Variants in SCAF8 observed in about 807,000 individuals in gnomAD.
SCAF8 encodes SR-related CTD associated factor 8.
SCAF8 carries 23 observed loss-of-function variants against 140.5 expected under a neutral mutation model. The ratio of observed to expected loss-of-function variants is 0.16; its 90% CI spans 0.12 to 0.23. The LOEUF (loss-of-function observed/expected upper bound fraction) is 0.23, where lower values mean the gene tolerates loss of function less well. SCAF8 is among the 10% of genes least tolerant of loss of function. The pLI is 1.00. For synonymous variants in SCAF8, 575 were observed against 528.9 expected (o/e 1.09, Z -1.20); for missense variants, 1,397 against 1,555.7 (o/e 0.90, Z 1.72).
chr6:154,822,445 T>C, intron 16 of SCAF8, 36 bp downstream of exon 16: 1 of 1,567,598 alleles, frequency 6.4e-7, no homozygotes, highest in Non-Finnish European at 8.6e-7. Context: ...TTTCTTGTGT[T>C]GTTTTACATT....
At chr6:154,767,887 A>G (rs1050804337) in intron 1 of SCAF8, among the ~76,000 whole-genome samples, 2 of 152,128 alleles carry the variant, frequency 1.3e-5, no homozygotes, top group Non-Finnish European at 2.9e-5. Flanking sequence ...TTCTAAAATG[A>G]TAAGTGATCC....
intron 3 of SCAF8, among the ~76,000 whole-genome samples, chr6:154,787,253 G>C (rs555901778): frequency 2.6e-5 from 4 of 152,388 alleles, no homozygotes; most frequent in Admixed American, 6.5e-5. Flanking sequence ...CAGCTATTTG[G>C]AAGGCTGAGA....
At chr6:154,827,279 A>G in intron 18 of SCAF8, 39 bp downstream of exon 18, 1 of 1,400,380 alleles carries the variant, frequency 7.1e-7, no homozygotes, top group Non-Finnish European at 9.9e-7. Flanking sequence ...TATTCATGGT[A>G]GTGTTAATTT....
intron 1 of SCAF8, among the ~76,000 whole-genome samples, chr6:154,743,434 TTC>T (rs1778622059): frequency 6.6e-6 from 1 of 152,224 alleles, no homozygotes; most frequent in Non-Finnish European, 1.5e-5. Flanking sequence ...AAAGCAACTA[TTC>T]TTAAGTGGAG....
At chr6:154,786,730 G>A (rs910889314) in intron 3 of SCAF8, among the ~76,000 whole-genome samples, 1 of 152,214 alleles carries the variant, frequency 6.6e-6, no homozygotes, top group African/African-American at 2.4e-5. Context: ...CAATTAGAGA[G>A]TCTTAGGAAT....
chr6:154,744,323 A>T (rs1778643877), intron 1 of SCAF8, among the ~76,000 whole-genome samples: 2 of 152,032 alleles, frequency 1.3e-5, no homozygotes, highest in African/African-American at 4.8e-5. Flanking sequence ...GGGGAAGTTA[A>T]CCACTTTATC....
Position 154,815,744 on chromosome 6 carries a change from A to G in SCAF8, c.1449A>G (p.Gln483=), listed in dbSNP as rs80305055. The change falls in exon 13 of 20, where the codon CAA becomes CAG. Residue 483 remains glutamine (Q), a synonymous_variant. Transcript: ENST00000367178. ...SVCSTTLWVG[Q]VDKKATQQDL... ...GTAGTACTACTCTCTGGGTTGGGCAAGTGGACAAGAAGGCAACACAGCAAG... is the reference window on the plus strand; with the variant it reads ...GTAGTACTACTCTCTGGGTTGGGCAGGTGGACAAGAAGGCAACACAGCAAG... 5.0e-6 allele frequency: 8 copies of G among 1,612,806 alleles called. No homozygotes were observed. Among genetic ancestry groups the G allele is most frequent in the African/African-American group, 1.3e-5 (1 of 75,012 alleles).
intron 1 of SCAF8, among the ~76,000 whole-genome samples, chr6:154,761,322 C>G (rs1483526462): frequency 1.3e-5 from 2 of 152,050 alleles, no homozygotes; most frequent in African/African-American, 4.8e-5. Context: ...CCCATCTCTA[C>G]TAGAAATACA....
rs1364952896 is a variant in SCAF8, at chr6:154,832,234, A to G, written c.2655A>G (p.Val885=). The G allele has an allele frequency of 7.4e-6, 12 of 1,614,126 alleles. No individual in the cohort carries two copies. The South Asian group carries it at 1.1e-4, about 15-fold the overall frequency. The change falls in exon 20 of 20, where the codon GTA becomes GTG. Residue 885 remains valine, a synonymous_variant. Transcript: ENST00000367178. ...NIPNNSGLVG[V]QPPNVPNTPG... is the part of the protein sequence containing the mutation. ...CTAACAATTCTGGACTTGTAGGAGT[A>G]CAGCCACCAAATGTTCCAAATACTC... is the stretch of plus-strand genomic sequence containing the variant.
chr6:154,759,989 A>G (rs779379300), intron 1 of SCAF8, among the ~76,000 whole-genome samples: 12 of 151,970 alleles, frequency 7.9e-5, no homozygotes, highest in Non-Finnish European at 1.6e-4. Context: ...TTTTATAAGC[A>G]CTTTAAAAAA....
chr6:154,753,989 C>A (rs1778904705), intron 1 of SCAF8, among the ~76,000 whole-genome samples: 1 of 152,188 alleles, frequency 6.6e-6, no homozygotes, highest in Non-Finnish European at 1.5e-5. Context: ...AGGCGCGAGC[C>A]ACTGTGCCTG....
Position 154,803,540 on chromosome 6 carries a change from C to G in SCAF8, c.784-4C>G. On this transcript the variant is annotated splice_polypyrimidine_tract_variant and splice_region_variant and intron_variant, in intron 7 of 19. Transcript: ENST00000367178. ...ATATGTCTGTTTCTCCTTCTTTCCC[C>G]CAGAAGTTGATGGATAGGTTTGATT... 1.2e-6 allele frequency: 2 copies of G among 1,608,116 alleles called. No homozygotes were observed. The highest frequency in any genetic ancestry group is 1.1e-5 in the South Asian group (1 of 90,306).
chr6:154,787,577 A>G (rs1375490653), intron 3 of SCAF8, among the ~76,000 whole-genome samples: 3 of 152,348 alleles, frequency 2.0e-5, no homozygotes, highest in South Asian at 4.1e-4. Context: ...TGGTTAAACA[A>G]ATTTTAAAAA....
chr6:154,831,703 TAAAAAA>T (rs58013583), intron 19 of SCAF8, among the ~76,000 whole-genome samples: 45 of 48,070 alleles, frequency 9.4e-4, no homozygotes, highest in African/African-American at 2.7e-3. Flanking sequence ...CTCCTGTTCT[TAAAAAA>T]AAAAAAAAAA....
chr6:154,748,669 A>C (rs1778766621), intron 1 of SCAF8, among the ~76,000 whole-genome samples: 1 of 152,232 alleles, frequency 6.6e-6, no homozygotes, highest in South Asian at 2.1e-4. Context: ...AGAAATTCCA[A>C]ATCCTTATTC....
rs1454923043 is a variant in SCAF8, at chr6:154,803,584, A to G, written c.824A>G (p.His275Arg). 2 of 1,612,384 alleles carry G rather than the reference A, an allele frequency of 1.2e-6. No individual in the cohort carries two copies. Among genetic ancestry groups the G allele is most frequent in the African/African-American group, 1.3e-5 (1 of 74,880 alleles). The change falls in exon 8 of 20, where the codon CAT (histidine) becomes CGT (arginine). Residue 275 changes from histidine to arginine, a missense_variant. Physicochemically the swap from His to Arg is conservative, Grantham distance 29. Around this residue, in one of 5 missense-constraint regions of SCAF8, gnomAD observed 339 missense variants for 407.5 expected, o/e 0.83. Coordinates refer to ENST00000367178, the MANE Select transcript of SCAF8 (RefSeq NM_014892.5). The stretch of plus-strand genomic sequence containing the variant: ...TTTGATTTTGGGGAAGACTCTGAGC[A>G]TAGTGAAGAACCCAAAAAGGAAATT... ...DRFDFGEDSE[H>R]SEEPKKEIPA...
rs572801108 is a variant in SCAF8, at chr6:154,798,760, C to G, written c.607-3211C>G. Reference sequence around the variant, plus strand: ...TGCAACTCCTCTGCTCAGAATCCTCCAGTGGCTCCCTGTCTCACTCAGAGT... The same window carrying G: ...TGCAACTCCTCTGCTCAGAATCCTCGAGTGGCTCCCTGTCTCACTCAGAGT... On this transcript the variant is annotated intron_variant, in intron 6 of 19. Coordinates refer to ENST00000367178, the MANE Select transcript of SCAF8 (RefSeq NM_014892.5). 1.6e-4 allele frequency among the ~76,000 whole-genome samples: 24 copies of G among 151,364 alleles called. 1 individual carries two copies. In the Middle Eastern group the frequency reaches 0.01, roughly 64 times the overall value.
Position 154,832,970 on chromosome 6 carries a change from G to A in SCAF8, c.3391G>A (p.Asp1131Asn). The A allele has an allele frequency of 6.2e-7, 1 of 1,614,128 alleles. No homozygotes were observed. The highest frequency in any genetic ancestry group is 8.5e-7 in the Non-Finnish European group (1 of 1,180,014). The part of the protein sequence containing the change: ...GRFRSGNYRF[D>N]PRSGPWNRGF... ...ATTTCGGTCTGGAAACTATCGATTT[G>A]ATCCTAGAAGTGGTCCTTGGAACCG... The change falls in exon 20 of 20, where the codon GAT becomes AAT. Residue 1131 changes from aspartate (D) to asparagine (N), a missense_variant. Asp to Asn is a conservative substitution (Grantham distance 23). Transcript: ENST00000367178.
chr6:154,833,084 T>A lies in SCAF8; in HGVS notation c.3505T>A (p.Phe1169Ile). The A allele has an allele frequency of 2.5e-6, 4 of 1,614,128 alleles. No homozygotes were observed. The highest frequency in any genetic ancestry group is 3.4e-6 in the Non-Finnish European group (4 of 1,180,010). ...QRDRDDRDFD[F>I]CREMNGNRLG... is the part of the protein sequence containing the mutation. ...GGATAGGGATGACAGAGATTTTGAT[T>A]TCTGCAGAGAAATGAATGGAAATCG... The change falls in exon 20 of 20, where the codon TTC becomes ATC. Residue 1169 changes from phenylalanine to isoleucine, a missense_variant. Transcript: ENST00000367178.
Sources: gnomAD v4.1 joint callset for allele counts (sites outside exome capture counted in the v4.1 genomes callset) on GRCh38, gnomAD v4.1.1 for gene constraint, gnomAD v4.1.1 regional missense constraint, MANE v1.5 for transcripts, NCBI Gene and HGNC (gene_info 2026-07-23, HGNC 2026-07-21) for gene names.